The following NCS1 variants were observed in gnomAD, a reference collection of about 807,000 sequenced individuals.
NCS1 encodes frequenin homolog.
A neutral mutation model predicts 28.4 loss-of-function variants in NCS1; 6 were observed. That is an observed-to-expected ratio of 0.21 (90% confidence interval 0.12 to 0.42). The LOEUF (loss-of-function observed/expected upper bound fraction) is 0.42, where lower values mean the gene tolerates loss of function less well. Among genes scored for constraint, NCS1 ranks in the 10% least tolerant of loss-of-function variants. The pLI, the probability that NCS1 is intolerant of heterozygous loss-of-function variation, is 1.00. For missense variants in NCS1, 131 were observed against 241.4 expected (o/e 0.54, Z 3.03); for synonymous variants, 86 against 99.3 (o/e 0.87, Z 0.79).
intron 1 of NCS1, among the ~76,000 whole-genome samples, chr9:130,176,172 TTCTTTCTTTCTTTCTTTCTTTC>T (rs1270102605): frequency 5.8e-5 from 4 of 68,524 alleles, no homozygotes; most frequent in African/African-American, 5.3e-4. Flanking sequence ...CTTTCTTTCT[TTCTTTCTTTCTTTCTTTCTTTC>T]TTTTTTTTTT....
At chr9:130,231,675 C>T (rs558302158) in intron 7 of NCS1, among the ~76,000 whole-genome samples, 1 of 152,192 alleles carries the variant, frequency 6.6e-6, no homozygotes, top group African/African-American at 2.4e-5. Context: ...TGAGCCACCT[C>T]ACCTGGCCTG....
At chr9:130,200,581 C>A (rs1554907342) in intron 1 of NCS1, 2 of 1,551,760 alleles carry the variant, frequency 1.3e-6, no homozygotes, top group South Asian at 1.2e-5. Flanking sequence ...TCCCTGACAT[C>A]CCGTCCCCAG....
intron 4 of NCS1, among the ~76,000 whole-genome samples, chr9:130,221,922 TA>T (rs370330401): frequency 0.16 from 278 of 1,722 alleles, 16 homozygotes; most frequent in African/African-American, 0.19. Flanking sequence ...TATATATACA[TA>T]AATATAAATT....
intron 4 of NCS1, among the ~76,000 whole-genome samples, chr9:130,221,393 T>TAG (rs1833289208): frequency 1.8e-5 from 1 of 56,696 alleles, no homozygotes; most frequent in Non-Finnish European, 3.6e-5. Context: ...TATATATATA[T>TAG]ATATATATAT....
At chr9:130,200,613 T>C in intron 1 of NCS1, 1 of 1,551,488 alleles carries the variant, frequency 6.4e-7, no homozygotes, top group Non-Finnish European at 8.7e-7. Flanking sequence ...TGGCAACGAG[T>C]AAGTCTTAGA....
chr9:130,176,169 T>C (rs1588105879), intron 1 of NCS1, among the ~76,000 whole-genome samples: 1 of 105,636 alleles, frequency 9.5e-6, no homozygotes, highest in East Asian at 2.8e-4. Context: ...TTTCTTTCTT[T>C]CTTTCTTTCT....
At chr9:130,211,698 G>A (rs994326982) in intron 2 of NCS1, among the ~76,000 whole-genome samples, 9 of 152,094 alleles carry the variant, frequency 5.9e-5, no homozygotes, top group African/African-American at 1.7e-4. Flanking sequence ...TGGCCACCTC[G>A]TTGGCTAGCT....
At position 130,215,421 on chromosome 9, in the gene NCS1, C is replaced by T. The variant is rs1833168078; in HGVS notation, c.90-2411C>T. 6.6e-6 allele frequency among the ~76,000 whole-genome samples: 1 copy of T among 152,186 alleles called. No homozygotes were observed. Among genetic ancestry groups the T allele is most frequent in the African/African-American group, 2.4e-5 (1 of 41,450 alleles). On this transcript the variant is annotated intron_variant, in intron 2 of 7. Transcript: ENST00000372398. This position sits in a 1 kb window ranked among gnomAD's most constrained non-coding sequence, Gnocchi z 4.2. ...ATCCAAGCAGGGGCTCAGAACAGAC[C>T]TCAGGGCTGAGCAGAGGCCAGTAGA... is the stretch of plus-strand genomic sequence containing the variant.
intron 2 of NCS1, among the ~76,000 whole-genome samples, chr9:130,207,969 C>G (rs1377755835): frequency 6.6e-6 from 1 of 152,192 alleles, no homozygotes; most frequent in Non-Finnish European, 1.5e-5. Flanking sequence ...TATCTTAGTT[C>G]CTGCTCACTT....
rs1832499731 is a variant in NCS1, at chr9:130,172,737, C to T, written c.64+10C>T. On this transcript the variant is annotated intron_variant, in intron 1 of 7. Transcript: ENST00000372398. ...ACCAGGAAGACCTACTGTGAGTGCT[C>T]CCAGCCCCCAGCCCGCGCCCCGCGG... 6 of 1,469,552 alleles carry T rather than the reference C, an allele frequency of 4.1e-6. No homozygotes were observed. Among genetic ancestry groups the T allele is most frequent in the Non-Finnish European group, 5.5e-6 (6 of 1,099,606 alleles). The allele number at this position is 1,469,552 out of a possible 1,614,324, so 91.0% of individuals were successfully genotyped here.
At position 130,172,412 on chromosome 9, in the gene NCS1, G is replaced by A. The variant is rs1452417008; in HGVS notation, c.-252G>A. On this transcript the variant is annotated 5_prime_UTR_variant, in exon 1 of 8. Coordinates refer to ENST00000372398, the MANE Select transcript of NCS1 (RefSeq NM_014286.4). ...CATGTGCCGCGGAGCCCAGTAACCA[G>A]GGACGACCGCGGCCACACCGCGCCG... Among the ~76,000 whole-genome samples, 8 of 146,310 alleles carry A rather than the reference G, an allele frequency of 5.5e-5. No homozygotes were observed. In the East Asian group the frequency reaches 6.0e-4, roughly 11 times the overall value.
At chr9:130,217,192 C>T (rs755721107) in intron 2 of NCS1, among the ~76,000 whole-genome samples, 1 of 152,216 alleles carries the variant, frequency 6.6e-6, no homozygotes, top group Non-Finnish European at 1.5e-5. Flanking sequence ...ATTGGGAGTG[C>T]AAAGCCATTC....
chr9:130,200,933 C>T (rs782203026), intron 1 of NCS1, 25 bp from the exon 2 acceptor site: 1 of 1,614,224 alleles, frequency 6.2e-7, no homozygotes, highest in East Asian at 2.2e-5. Flanking sequence ...GAGCTAAAAG[C>T]CTACTTTTCT....
chr9:130,217,722 CTT>C, intron 2 of NCS1, 108 bp from the exon 3 acceptor site: 2 of 1,527,224 alleles, frequency 1.3e-6, no homozygotes, highest in South Asian at 2.3e-5. Flanking sequence ...GGCACCATCT[CTT>C]TGAACAAGGA....
At chr9:130,197,532 G>C (rs782440604) in intron 1 of NCS1, among the ~76,000 whole-genome samples, 2 of 152,174 alleles carry the variant, frequency 1.3e-5, no homozygotes, top group Non-Finnish European at 2.9e-5. Context: ...TCTCCAGGTT[G>C]GGGTGGTAGC....
rs562606268 is a variant in NCS1 at position 130,227,035 on chromosome 9, A to AG, written c.*17+531_*17+532insG. On this transcript the variant is annotated intron_variant, in intron 7 of 7. Transcript: ENST00000372398. ...GAGACTCCATCTCAAAAAAAAAAAA[A>AG]AAAAGAAAAGAAAAAAAAAAAAAGA... 4.5e-3 allele frequency among the ~76,000 whole-genome samples: 681 copies of AG among 149,978 alleles called. 7 individuals carry two copies. The highest frequency in any genetic ancestry group is 0.036 in the East Asian group (183 of 5,122).
intron 1 of NCS1, among the ~76,000 whole-genome samples, chr9:130,182,115 G>A (rs1039859398): frequency 1.3e-5 from 2 of 152,088 alleles, no homozygotes; most frequent in African/African-American, 2.4e-5. Flanking sequence ...GGGACCAGGA[G>A]TGCTGAGTGC....
At chr9:130,206,391 T>TTTTC (rs1188194332) in intron 2 of NCS1, among the ~76,000 whole-genome samples, 1 of 137,872 alleles carries the variant, frequency 7.3e-6, no homozygotes, top group African/African-American at 2.7e-5. Flanking sequence ...GTTCTTTTTC[T>TTTTC]TTTCTTTCTT....
rs1021088922 is a variant in NCS1 at position 130,180,051 on chromosome 9, C to T, written c.64+7324C>T. 1.4e-5 allele frequency among the ~76,000 whole-genome samples: 2 copies of T among 139,290 alleles called. No individual in the cohort carries two copies. The highest frequency in any genetic ancestry group is 3.1e-5 in the Non-Finnish European group (2 of 64,426). The allele number at this position is 139,290 out of a possible 152,430, so 91.4% of individuals were successfully genotyped here. A position where few individuals can be genotyped will look rare whatever the true frequency, so the allele number is the denominator to read the frequency against. On this transcript the variant is annotated intron_variant, in intron 1 of 7. Coordinates refer to ENST00000372398, the MANE Select transcript of NCS1 (RefSeq NM_014286.4). The surrounding 1 kb of genome is among the most constrained non-coding windows in gnomAD (Gnocchi z 4.5). ...TCTATCTATCTATCTATCTATCTATCGAGATGGAATCTCACTTCCGTCACC... is the reference window on the plus strand; with the variant it reads ...TCTATCTATCTATCTATCTATCTATTGAGATGGAATCTCACTTCCGTCACC...
Sources: gnomAD v4.1 joint callset for allele counts (sites outside exome capture counted in the v4.1 genomes callset) on GRCh38, gnomAD v4.1.1 for gene constraint, Gnocchi (gnomAD v3.1) non-coding constraint, MANE v1.5 for transcripts, NCBI Gene and HGNC (gene_info 2026-07-23, HGNC 2026-07-21) for gene names.